Variants in MACROD2 observed in about 807,000 individuals in gnomAD.
The protein encoded by MACROD2 is mono-ADP ribosylhydrolase 2.
In MACROD2, 36 loss-of-function variants were observed where a neutral mutation model predicts 70.4. That is an observed-to-expected ratio of 0.51 (90% CI 0.39 to 0.68). The LOEUF is 0.68. Ranked by LOEUF, MACROD2 falls within the 30% of genes least tolerant of loss-of-function variation. MACROD2 has a pLI of 0.00. For synonymous variants in MACROD2, 172 were observed against 178.8 expected (o/e 0.96, Z 0.30); for missense variants, 496 against 538.4 (o/e 0.92, Z 0.78).
At chr20:15,630,078 C>T (rs890098443) in intron 8 of MACROD2, among the ~76,000 whole-genome samples, 4 of 152,116 alleles carry the variant, frequency 2.6e-5, no homozygotes, top group South Asian at 2.1e-4. Context: ...ATAGTGCTTC[C>T]GGTCCTGCTT....
intron 2 of MACROD2, among the ~76,000 whole-genome samples, chr20:14,074,672 C>A (rs182254300): frequency 1.3e-5 from 2 of 152,036 alleles, no homozygotes; most frequent in African/African-American, 4.8e-5. Flanking sequence ...GTGAGGTCTC[C>A]CTGTTCTGTT....
chr20:14,215,335 T>C (rs1012533526), intron 3 of MACROD2, among the ~76,000 whole-genome samples: 109 of 101,716 alleles, frequency 1.1e-3, no homozygotes, highest in East Asian at 2.5e-3. Context: ...TGCCATCATA[T>C]ATACACACAC....
At chr20:15,764,618 C>T (rs895035621) in intron 8 of MACROD2, among the ~76,000 whole-genome samples, 1 of 152,164 alleles carries the variant, frequency 6.6e-6, no homozygotes, top group South Asian at 2.1e-4. Flanking sequence ...TATTAAAATA[C>T]GTCTTCTTCC....
intron 5 of MACROD2, among the ~76,000 whole-genome samples, chr20:15,009,791 T>TA (rs56838387): frequency 3.2e-4 from 48 of 150,728 alleles, no homozygotes; most frequent in African/African-American, 1.0e-3. Flanking sequence ...TTTTTTTTTT[T>TA]ACCACTGAAT....
intron 2 of MACROD2, among the ~76,000 whole-genome samples, chr20:14,076,949 C>G (rs2053923430): frequency 6.6e-6 from 1 of 152,106 alleles, no homozygotes; most frequent in Non-Finnish European, 1.5e-5. Flanking sequence ...GCCATGACTT[C>G]TTGTATATCA....
At chr20:15,426,406 G>A (rs961631386) in intron 6 of MACROD2, among the ~76,000 whole-genome samples, 1 of 151,902 alleles carries the variant, frequency 6.6e-6, no homozygotes, top group African/African-American at 2.4e-5. Context: ...GTGTAGTGGT[G>A]GAATCATGGC....
intron 5 of MACROD2, among the ~76,000 whole-genome samples, chr20:15,181,354 C>G (rs747134679): frequency 1.3e-5 from 2 of 152,114 alleles, no homozygotes; most frequent in Admixed American, 6.5e-5. Flanking sequence ...TATCTTCTTC[C>G]TAATAATAGC....
At chr20:14,017,296 G>A (rs746942922) in intron 2 of MACROD2, among the ~76,000 whole-genome samples, 2 of 152,022 alleles carry the variant, frequency 1.3e-5, no homozygotes, top group Non-Finnish European at 2.9e-5. Context: ...TTCCTTTCTA[G>A]TTTGAATGTC....
At chr20:15,568,872 A>G (rs1053937416) in intron 8 of MACROD2, among the ~76,000 whole-genome samples, 2 of 152,204 alleles carry the variant, frequency 1.3e-5, no homozygotes, top group African/African-American at 4.8e-5. Context: ...CTTCTAGCTT[A>G]AGTCTTGTGA....
chr20:14,028,436 G>A (rs759219633), intron 2 of MACROD2, among the ~76,000 whole-genome samples: 1 of 152,144 alleles, frequency 6.6e-6, no homozygotes, highest in Non-Finnish European at 1.5e-5. Flanking sequence ...TGAACAGTAC[G>A]GTCTTGCTGG....
chr20:14,545,058 C>A (rs528366402), intron 4 of MACROD2, among the ~76,000 whole-genome samples: 1 of 152,092 alleles, frequency 6.6e-6, no homozygotes, highest in Non-Finnish European at 1.5e-5. Flanking sequence ...GACGATGAGA[C>A]CACTTGATGA....
chr20:14,838,010 T>C (rs868167648), intron 5 of MACROD2, among the ~76,000 whole-genome samples: 9 of 152,050 alleles, frequency 5.9e-5, no homozygotes, highest in African/African-American at 1.9e-4. Flanking sequence ...ACTGAAAAAG[T>C]GTTAAGTCCA....
chr20:15,214,469 C>T (rs2145953377), intron 5 of MACROD2, among the ~76,000 whole-genome samples: 1 of 152,236 alleles, frequency 6.6e-6, no homozygotes, highest in East Asian at 1.9e-4. Context: ...GGGAGGATCG[C>T]TTGAGGCCAG....
chr20:14,992,250 C>A (rs2074910854), intron 5 of MACROD2, among the ~76,000 whole-genome samples: 1 of 152,148 alleles, frequency 6.6e-6, no homozygotes, highest in Non-Finnish European at 1.5e-5. Flanking sequence ...AGAAAGAATG[C>A]AGCATTGCAT....
intron 9 of MACROD2, among the ~76,000 whole-genome samples, chr20:15,876,051 T>A (rs1320002504): frequency 6.8e-6 from 1 of 146,962 alleles, no homozygotes; most frequent in East Asian, 2.0e-4. Context: ...ATATTCCACT[T>A]TATGTATGAA....
intron 4 of MACROD2, among the ~76,000 whole-genome samples, chr20:14,535,399 G>A (rs1316655445): frequency 6.7e-6 from 1 of 149,508 alleles, no homozygotes; most frequent in African/African-American, 2.5e-5. Flanking sequence ...CAGCTACTCC[G>A]AAGGCTGAGG....
intron 6 of MACROD2, among the ~76,000 whole-genome samples, chr20:15,337,312 C>T (rs1470925206): frequency 6.6e-6 from 1 of 151,544 alleles, no homozygotes; most frequent in Non-Finnish European, 1.5e-5. Flanking sequence ...TAGTGGCTCC[C>T]AGAGAGTCTA....
chr20:14,215,047 TATATATATATTCCATC>T (rs1264480801), intron 3 of MACROD2, among the ~76,000 whole-genome samples: 31 of 148,984 alleles, frequency 2.1e-4, no homozygotes, highest in Admixed American at 5.4e-4. Context: ...TATTCCATCA[TATATATATATTCCATC>T]ATATATCTAT....
At chr20:14,003,659 G>A (rs2052768491) in intron 2 of MACROD2, 1 of 453,250 alleles carries the variant, frequency 2.2e-6, no homozygotes, top group Admixed American at 2.6e-5. Flanking sequence ...AGGGTGGGAA[G>A]CCAGAGCCAC....
Sources: allele counts gnomAD v4.1 joint callset (sites outside exome capture counted in the v4.1 genomes callset), GRCh38; gene constraint gnomAD v4.1.1; transcripts MANE v1.5; gene names NCBI Gene and HGNC (gene_info 2026-07-23, HGNC 2026-07-21).